FAM222A: variants seen among roughly 807,000 people sequenced by gnomAD.
FAM222A encodes the protein protein FAM222A.
FAM222A carries 7 observed loss-of-function variants against 25.8 expected under a neutral mutation model. The observed-to-expected ratio is 0.27, with a 90% CI of 0.15 to 0.51. The LOEUF (loss-of-function observed/expected upper bound fraction) is 0.51, where lower values mean the gene tolerates loss of function less well. Ranked by LOEUF, FAM222A falls within the 20% of genes least tolerant of loss-of-function variation. The probability of loss-of-function intolerance (pLI) is 0.97; values close to 1 mark genes in which losing one functional copy is unlikely to be tolerated. For synonymous variants in FAM222A, 294 were observed against 298.8 expected, an observed-to-expected ratio of 0.98 and a Z score of 0.17; for missense variants, 573 against 640.5, an observed-to-expected ratio of 0.89 and a Z score of 1.14.
intron 1 of FAM222A, among the ~76,000 whole-genome samples, chr12:109,725,378 G>A (rs1887819923): frequency 1.3e-5 from 2 of 151,962 alleles, no homozygotes; most frequent in African/African-American, 4.8e-5. Flanking sequence ...AGGTACTCCA[G>A]CCTCAGAGCC....
chr12:109,738,264 C>T (rs1888139940), intron 1 of FAM222A, among the ~76,000 whole-genome samples: 1 of 152,306 alleles, frequency 6.6e-6, no homozygotes, highest in South Asian at 2.1e-4. Context: ...TCTGGACTTT[C>T]TGAGGCTTTC....
intron 2 of FAM222A, among the ~76,000 whole-genome samples, chr12:109,755,713 C>T: frequency 6.6e-6 from 1 of 152,208 alleles, no homozygotes; most frequent in South Asian, 2.1e-4. Context: ...CTAGCTGTCC[C>T]AACATTTGTT....
At position 109,770,292 on chromosome 12, in the gene FAM222A, C is replaced by T. The variant is rs1004119097; in HGVS notation, c.*1004C>T. On this transcript the variant is annotated 3_prime_UTR_variant, in exon 3 of 3. Transcript: ENST00000538780. ...GGAAAGATAGGCAGGAGTCCCCTCA[C>T]GAAGTCCTCAAGTCCTGGCCCCTCT... The T allele has an allele frequency of 3.3e-5, 5 of 152,656 alleles. No homozygotes were observed. The highest frequency in any genetic ancestry group is 2.1e-4 in the South Asian group (1 of 4,834). 9.5% of individuals were successfully genotyped at this position (152,656 alleles called of 1,614,324 possible).
chr12:109,762,533 G>A (rs1021659221), intron 2 of FAM222A, among the ~76,000 whole-genome samples: 6 of 152,222 alleles, frequency 3.9e-5, no homozygotes. Context: ...CCACTGCTGA[G>A]AAGCCTGTCC....
chr12:109,751,824 G>A (rs751655856), intron 2 of FAM222A, among the ~76,000 whole-genome samples: 2 of 152,196 alleles, frequency 1.3e-5, no homozygotes, highest in African/African-American at 2.4e-5. Flanking sequence ...ATCTGTAGGT[G>A]TGGCCCTTTT....
At position 109,768,702 on chromosome 12, in the gene FAM222A, A is replaced by T. The variant is rs1778303071; in HGVS notation, c.773A>T (p.Glu258Val). The T allele has an allele frequency of 1.3e-6, 2 of 1,583,622 alleles. No individual in the cohort carries two copies. Among genetic ancestry groups the T allele is most frequent in the Non-Finnish European group, 1.7e-6 (2 of 1,170,672 alleles). Residue 258 changes from glutamate to valine, a missense_variant, in exon 3 of 3, where the codon GAG becomes GTG. Coordinates refer to ENST00000538780, the MANE Select transcript of FAM222A (RefSeq NM_032829.3). ...CTGCCCGACTGCCGGAAAGGCACTG[A>T]GCTGGGCCAGGGAGCCACCCAAGCC... ...AGLPDCRKGTELGQGATQALT... is the reference protein window; with the variant it reads ...AGLPDCRKGTVLGQGATQALT...
chr12:109,725,637 C>T (rs952669958), intron 1 of FAM222A, among the ~76,000 whole-genome samples: 2 of 152,026 alleles, frequency 1.3e-5, no homozygotes, highest in African/African-American at 4.8e-5. Flanking sequence ...GGCCAGGCAC[C>T]AGGCAGCCCA....
At chr12:109,719,267 GGCCCAGAGAAGGTATTATACTTTGCT>G (rs1341210953) in intron 1 of FAM222A, among the ~76,000 whole-genome samples, 11 of 152,200 alleles carry the variant, frequency 7.2e-5, no homozygotes, top group African/African-American at 2.2e-4. Flanking sequence ...GAGAAGCAGG[GGCCCAGAGAAGGTATTATACTTTGCT>G]GCCCGAGGTC....
intron 1 of FAM222A, among the ~76,000 whole-genome samples, chr12:109,729,249 T>C (rs1172515626): frequency 2.0e-5 from 3 of 152,238 alleles, no homozygotes; most frequent in Non-Finnish European, 4.4e-5. Flanking sequence ...CTTTTGGACA[T>C]TGGCAAACAC....
intron 1 of FAM222A, among the ~76,000 whole-genome samples, chr12:109,725,380 C>T (rs1256340050): frequency 6.6e-6 from 1 of 152,034 alleles, no homozygotes; most frequent in Admixed American, 6.6e-5. Context: ...GTACTCCAGC[C>T]TCAGAGCCAG....
intron 2 of FAM222A, among the ~76,000 whole-genome samples, chr12:109,751,526 G>C (rs1888558815): frequency 1.3e-5 from 2 of 152,182 alleles, no homozygotes; most frequent in African/African-American, 4.8e-5. Flanking sequence ...ATTTGCGGGA[G>C]CTTCAGGTTG....
intron 1 of FAM222A, among the ~76,000 whole-genome samples, chr12:109,727,265 C>T (rs1361476807): frequency 2.0e-5 from 3 of 152,168 alleles, no homozygotes; most frequent in East Asian, 1.9e-4. Flanking sequence ...GCAGCCTGGC[C>T]GGCCAGGGAC....
intron 2 of FAM222A, among the ~76,000 whole-genome samples, chr12:109,759,687 G>A (rs1031851326): frequency 5.3e-5 from 8 of 152,202 alleles, no homozygotes; most frequent in Non-Finnish European, 1.0e-4. Flanking sequence ...GCAGAGTGGG[G>A]GAAGGAGTGG....
intron 1 of FAM222A, among the ~76,000 whole-genome samples, chr12:109,721,014 T>C (rs1887736161): frequency 6.6e-6 from 1 of 152,220 alleles, no homozygotes; most frequent in Non-Finnish European, 1.5e-5. Context: ...TGAATACTTT[T>C]GCCTATTATG....
chr12:109,718,495 T>TGAGAA (rs1887687699), intron 1 of FAM222A, among the ~76,000 whole-genome samples: 1 of 152,158 alleles, frequency 6.6e-6, no homozygotes, highest in South Asian at 2.1e-4. Flanking sequence ...TCCTCTGGGC[T>TGAGAA]CGGGGCGGGG....
chr12:109,766,030 TCCCAGGCTC>T lies in FAM222A; in HGVS notation c.83-1978_83-1970del, dbSNP rs1889039793. ...CAGAGGCCGAGTGGTGAAGCTCCTC[TCCCAGGCTC>T]CCCTGAAAGTAATGAGCTCCAAGCA... On this transcript the variant is annotated intron_variant, in intron 2 of 2. Coordinates refer to ENST00000538780, the MANE Select transcript of FAM222A (RefSeq NM_032829.3). Among the ~76,000 whole-genome samples, 4 of 152,322 alleles carry T rather than the reference TCCCAGGCTC, an allele frequency of 2.6e-5. No individual in the cohort carries two copies. The South Asian group carries it at 8.3e-4, about 32-fold the overall frequency.
intron 1 of FAM222A, among the ~76,000 whole-genome samples, chr12:109,739,943 A>T (rs1468769949): frequency 1.3e-5 from 2 of 152,224 alleles, no homozygotes; most frequent in Admixed American, 1.3e-4. Flanking sequence ...ACCACCGTTA[A>T]GAGCCCAAAT....
chr12:109,723,764 CCCT>C lies in FAM222A; in HGVS notation c.-47+8874_-47+8876del, dbSNP rs1887792750. 2.0e-5 allele frequency among the ~76,000 whole-genome samples: 3 copies of C among 152,350 alleles called. No individual in the cohort carries two copies. In the South Asian group the frequency reaches 6.2e-4, roughly 32 times the overall value. On this transcript the variant is annotated intron_variant, in intron 1 of 2. Coordinates refer to ENST00000538780, the MANE Select transcript of FAM222A (RefSeq NM_032829.3). ...CCAGAGCAGGTTCCTGGGCCTCCGC[CCCT>C]CCTCCTGAATCTTGTCCCGCCCTGT...
intron 1 of FAM222A, among the ~76,000 whole-genome samples, chr12:109,726,953 G>T (rs1367576375): frequency 7.2e-5 from 11 of 152,184 alleles, no homozygotes; most frequent in African/African-American, 2.7e-4. Context: ...TATCGTCATG[G>T]TCCCCATTGT....
Sources: gnomAD v4.1 joint callset for allele counts (sites outside exome capture counted in the v4.1 genomes callset) on GRCh38, gnomAD v4.1.1 for gene constraint, MANE v1.5 for transcripts, NCBI Gene and HGNC (gene_info 2026-07-23, HGNC 2026-07-21) for gene names.